The following DNM1L variants were observed in gnomAD, a reference collection of about 807,000 sequenced individuals.
DNM1L encodes dynamin 1L.
DNM1L carries 33 observed loss-of-function variants against 92.8 expected under a neutral mutation model. The ratio of observed to expected loss-of-function variants is 0.36; its 90% confidence interval spans 0.27 to 0.48. The LOEUF is 0.48. DNM1L is among the 20% of genes least tolerant of loss of function. The probability of loss-of-function intolerance (pLI) is 0.99; values close to 1 mark genes in which losing one functional copy is unlikely to be tolerated. For synonymous variants in DNM1L, 284 were observed against 305.0 expected (o/e 0.93, Z 0.72); for missense variants, 485 against 888.8 (o/e 0.55, Z 5.78).
In DNM1L at chr12:32,712,649, C is replaced by CAA. The variant is rs59906286; in HGVS notation, c.457-532_457-531dup. Among the ~76,000 whole-genome samples, 209 of 29,756 alleles carry CAA rather than the reference C, an allele frequency of 7.0e-3. 11 individuals carry two copies. Among genetic ancestry groups the CAA allele is most frequent in the Admixed American group, 9.2e-3 (17 of 1,846 alleles). 19.5% of individuals were successfully genotyped at this position (29,756 alleles called of 152,430 possible). A position where few individuals can be genotyped will look rare whatever the true frequency, so the allele number is the denominator to read the frequency against. On this transcript the variant is annotated intron_variant, in intron 5 of 19. Transcript: ENST00000549701. ...TATGTGATAGAGTGAGACCCTGTCTCAAAAAAAAAAAAAAAAAAAAAAAAA... is the reference window on the plus strand; with the variant it reads ...TATGTGATAGAGTGAGACCCTGTCTCAAAAAAAAAAAAAAAAAAAAAAAAAAA...
chr12:32,740,432 A>C lies in DNM1L; in HGVS notation c.1908A>C (p.Leu636=). 6.2e-7 allele frequency: 1 copy of C among 1,614,122 alleles called. No individual in the cohort carries two copies. Among genetic ancestry groups the C allele is most frequent in the Non-Finnish European group, 8.5e-7 (1 of 1,179,978 alleles). ...LDVPVPVARK[L]SAREQRDCEV... ...AGCCAGTTCCTGTTGCACGAAAACT[A>C]TCTGCTCGGGAACAGCGAGATTGTG... Residue 636 remains leucine, a synonymous_variant, in exon 18 of 20, where the codon CTA becomes CTC. Coordinates refer to ENST00000549701, the MANE Select transcript of DNM1L (RefSeq NM_012062.5).
chr12:32,736,014 C>CT, intron 13 of DNM1L, among the ~76,000 whole-genome samples: 1 of 151,458 alleles, frequency 6.6e-6, no homozygotes, highest in African/African-American at 2.4e-5. Flanking sequence ...CTGATGCTGC[C>CT]TGTGAGAGAT....
At chr12:32,712,649 CAAAAAA>C (rs59906286) in intron 5 of DNM1L, among the ~76,000 whole-genome samples, 9 of 29,790 alleles carry the variant, frequency 3.0e-4, no homozygotes, top group South Asian at 1.7e-3. Flanking sequence ...GACCCTGTCT[CAAAAAA>C]AAAAAAAAAA....
chr12:32,739,613 A>G (rs2137583856), intron 16 of DNM1L, among the ~76,000 whole-genome samples: 1 of 152,366 alleles, frequency 6.6e-6, no homozygotes, highest in East Asian at 1.9e-4. Context: ...TAAACTCTTA[A>G]GTTCAGAGAC....
intron 6 of DNM1L, among the ~76,000 whole-genome samples, chr12:32,716,996 G>C (rs1009415243): frequency 7.0e-6 from 1 of 143,488 alleles, no homozygotes; most frequent in Non-Finnish European, 1.5e-5. Flanking sequence ...CACCAGCAAC[G>C]TGTGAGAGTT....
chr12:32,697,417 GT>G (rs1952511762), intron 1 of DNM1L, among the ~76,000 whole-genome samples: 1 of 152,162 alleles, frequency 6.6e-6, no homozygotes. Context: ...GATATGATCT[GT>G]AAAGGGGTGG....
chr12:32,681,497 G>A (rs550487269), intron 1 of DNM1L, among the ~76,000 whole-genome samples: 46 of 151,968 alleles, frequency 3.0e-4, no homozygotes, highest in African/African-American at 1.1e-3. Context: ...GCTGTGGTGC[G>A]TGCAGGAGTG....
chr12:32,720,130 T>TACTGTCATTCTCCCATCCCC (rs1009094921), intron 7 of DNM1L, among the ~76,000 whole-genome samples: 20 of 152,110 alleles, frequency 1.3e-4, no homozygotes, highest in Admixed American at 1.3e-3. Context: ...ATTCCAACCC[T>TACTGTCATTCTCCCATCCCC]ACTGTCATTC....
intron 1 of DNM1L, among the ~76,000 whole-genome samples, chr12:32,696,634 C>CTT (rs5797486): frequency 3.4e-5 from 5 of 147,024 alleles, no homozygotes; most frequent in African/African-American, 2.5e-5. Flanking sequence ...AGATTACTGT[C>CTT]TTTTTTTTTT....
intron 1 of DNM1L, among the ~76,000 whole-genome samples, chr12:32,683,332 C>G (rs187455598): frequency 1.3e-4 from 19 of 151,564 alleles, no homozygotes; most frequent in African/African-American, 4.6e-4. Flanking sequence ...TCAAGCAGTC[C>G]TCTTGCCTCA....
chr12:32,722,767 A>G, intron 9 of DNM1L, 134 bp downstream of exon 9: 1 of 690,210 alleles, frequency 1.4e-6, no homozygotes, highest in Non-Finnish European at 2.5e-6. Context: ...CTTTGTAGAG[A>G]TAATAGGATG....
chr12:32,681,496 C>T (rs536604683), intron 1 of DNM1L, among the ~76,000 whole-genome samples: 1 of 151,856 alleles, frequency 6.6e-6, no homozygotes, highest in Admixed American at 6.6e-5. Context: ...GGCTGTGGTG[C>T]GTGCAGGAGT....
chr12:32,700,304 G>T (rs1952649603), intron 1 of DNM1L, among the ~76,000 whole-genome samples: 1 of 152,072 alleles, frequency 6.6e-6, no homozygotes, highest in Non-Finnish European at 1.5e-5. Context: ...ATTTTTAGTA[G>T]AGACAGGGTT....
chr12:32,738,387 G>C, intron 16 of DNM1L, 91 bp downstream of exon 16: 1 of 1,357,242 alleles, frequency 7.4e-7, no homozygotes, highest in East Asian at 2.3e-5. Flanking sequence ...TGTTTGTGTA[G>C]TGGTATCTAT....
rs1285542741 is a variant in DNM1L at position 32,724,599 on chromosome 12, T to A, written c.1079+1966T>A. Among the ~76,000 whole-genome samples, 795 of 82,836 alleles carry A rather than the reference T, an allele frequency of 9.6e-3. 9 individuals carry two copies. Among genetic ancestry groups the A allele is most frequent in the African/African-American group, 0.025 (636 of 25,004 alleles). 54.3% of individuals were successfully genotyped at this position (82,836 alleles called of 152,430 possible). On this transcript the variant is annotated intron_variant, in intron 9 of 19. Transcript: ENST00000549701. The stretch of plus-strand genomic sequence containing the variant: ...TCCAAAAAAAAAAAAAAAAAATATA[T>A]ATATATATATATATATATATAAATT...
chr12:32,714,358 T>C (rs892401440), intron 6 of DNM1L, among the ~76,000 whole-genome samples: 31 of 150,524 alleles, frequency 2.1e-4, no homozygotes, highest in Non-Finnish European at 3.8e-4. Context: ...CTGCAAGCTC[T>C]GCCTCCCGGG....
At chr12:32,718,822 T>C in intron 7 of DNM1L, 59 bp downstream of exon 7, 1 of 1,605,406 alleles carries the variant, frequency 6.2e-7, no homozygotes, top group Non-Finnish European at 8.5e-7. Context: ...GGATAAGCAT[T>C]CTCACTTCAG....
intron 18 of DNM1L, among the ~76,000 whole-genome samples, chr12:32,742,111 G>A (rs1955341209): frequency 6.8e-6 from 1 of 146,472 alleles, no homozygotes. Context: ...TGTTGCTTTT[G>A]TTTTTTTTTT....
intron 8 of DNM1L, among the ~76,000 whole-genome samples, chr12:32,721,404 T>G (rs960714208): frequency 6.6e-6 from 1 of 152,202 alleles, no homozygotes; most frequent in South Asian, 2.1e-4. Flanking sequence ...CAATTGTAAA[T>G]GACAAGTCAA....
Sources: gnomAD v4.1 joint callset for allele counts (sites outside exome capture counted in the v4.1 genomes callset) on GRCh38, gnomAD v4.1.1 for gene constraint, MANE v1.5 for transcripts, NCBI Gene and HGNC (gene_info 2026-07-23, HGNC 2026-07-21) for gene names.